The following ANKRD30BL variants were observed in gnomAD, a reference collection of about 807,000 sequenced individuals.
ANKRD30BL encodes putative ankyrin repeat domain-containing protein 30B-like.
In ANKRD30BL, 20 loss-of-function variants were observed where a neutral mutation model predicts 18.4. The ratio of observed to expected loss-of-function variants is 1.09; its 90% CI spans 0.77 to 1.58. The LOEUF (loss-of-function observed/expected upper bound fraction) is 1.58. Ranked by LOEUF, ANKRD30BL falls within the 40% of genes most tolerant of loss-of-function variation. The pLI is 0.00. For synonymous variants in ANKRD30BL, 72 were observed against 100.9 expected, an observed-to-expected ratio of 0.71 and a Z score of 1.72; for missense variants, 224 against 268.6, an observed-to-expected ratio of 0.83 and a Z score of 1.16.
intron 1 of ANKRD30BL, among the ~76,000 whole-genome samples, chr2:132,167,374 T>C (rs1688208192): frequency 6.6e-6 from 1 of 151,614 alleles, no homozygotes; most frequent in Non-Finnish European, 1.5e-5. Flanking sequence ...TCACACAGGC[T>C]GGAGTGCAGT....
chr2:132,251,283 A>G (rs1189957720), intron 1 of ANKRD30BL, among the ~76,000 whole-genome samples: 3 of 152,212 alleles, frequency 2.0e-5, no homozygotes, highest in African/African-American at 7.2e-5. Context: ...TACAATTCAG[A>G]AAGCTTACTC....
At chr2:132,160,208 T>C (rs1688016444) in intron 1 of ANKRD30BL, among the ~76,000 whole-genome samples, 1 of 151,954 alleles carries the variant, frequency 6.6e-6, no homozygotes, top group Non-Finnish European at 1.5e-5. Flanking sequence ...TTCAAGCGAT[T>C]CTCCCTCCTC....
At chr2:132,205,166 C>T (rs957341073) in intron 1 of ANKRD30BL, among the ~76,000 whole-genome samples, 10 of 151,988 alleles carry the variant, frequency 6.6e-5, no homozygotes, top group South Asian at 2.1e-4. Context: ...ATTTTCTAAG[C>T]GTATCATAGA....
intron 1 of ANKRD30BL, among the ~76,000 whole-genome samples, chr2:132,201,017 C>A (rs1026985451): frequency 6.6e-6 from 1 of 152,090 alleles, no homozygotes; most frequent in African/African-American, 2.4e-5. Flanking sequence ...TGATCTTTGA[C>A]AAACCTGAGA....
intron 1 of ANKRD30BL, among the ~76,000 whole-genome samples, chr2:132,229,844 CA>C (rs1679957418): frequency 6.6e-6 from 1 of 151,640 alleles, no homozygotes; most frequent in African/African-American, 2.4e-5. Context: ...GTGATTTGTG[CA>C]TTCAACTCAC....
intron 1 of ANKRD30BL, among the ~76,000 whole-genome samples, chr2:132,218,770 G>A (rs570229298): frequency 4.6e-5 from 7 of 151,970 alleles, no homozygotes; most frequent in South Asian, 2.1e-4. Context: ...TATTTTGAAC[G>A]CTTTCAGGCC....
chr2:132,167,519 C>T (rs984750692), intron 1 of ANKRD30BL, among the ~76,000 whole-genome samples: 9 of 152,000 alleles, frequency 5.9e-5, no homozygotes, highest in Admixed American at 3.3e-4. Flanking sequence ...GACGGTGTTT[C>T]ATCATGTTGG....
At chr2:132,196,536 C>T (rs1678973056) in intron 1 of ANKRD30BL, among the ~76,000 whole-genome samples, 1 of 151,894 alleles carries the variant, frequency 6.6e-6, no homozygotes, top group Non-Finnish European at 1.5e-5. Context: ...ATCTGTAATC[C>T]CAGCACTTTG....
chr2:132,233,096 G>A (rs907728038), intron 1 of ANKRD30BL, among the ~76,000 whole-genome samples: 3 of 151,680 alleles, frequency 2.0e-5, no homozygotes, highest in Non-Finnish European at 4.4e-5. Flanking sequence ...AGCTTCATAA[G>A]TGAAGGAGAA....
chr2:132,209,112 C>G (rs376677837), intron 1 of ANKRD30BL, among the ~76,000 whole-genome samples: 1 of 152,022 alleles, frequency 6.6e-6, no homozygotes, highest in African/African-American at 2.4e-5. Flanking sequence ...TTGAAACACT[C>G]TTTTTGTAGA....
rs1688074772 is a variant in ANKRD30BL, at chr2:132,161,842, T to G, written c.-137A>C. ...AGAAATCTCAGTCGGGCCAAGCTTT[T>G]GGACACTCCAACCTCTCCCGGGAGA... is the stretch of plus-strand genomic sequence containing the variant. On this transcript the variant is annotated 5_prime_UTR_variant, in exon 1 of 6. Transcript: ENST00000409867. 3.2e-6 allele frequency: 2 copies of G among 619,900 alleles called. No homozygotes were observed. Among genetic ancestry groups the G allele is most frequent in the Non-Finnish European group, 5.8e-6 (2 of 343,100 alleles). 38.4% of individuals were successfully genotyped at this position (619,900 alleles called of 1,614,324 possible). A position where few individuals can be genotyped will look rare whatever the true frequency, so the allele number is the denominator to read the frequency against.
chr2:132,217,760 T>A (rs1430195956), intron 1 of ANKRD30BL, among the ~76,000 whole-genome samples: 1 of 152,290 alleles, frequency 6.6e-6, no homozygotes, highest in Non-Finnish European at 1.5e-5. Context: ...AGGTCTTCAT[T>A]GGAAACGGGT....
chr2:132,220,280 GCCTCTC>G (rs1204940944), intron 1 of ANKRD30BL, among the ~76,000 whole-genome samples: 6 of 145,542 alleles, frequency 4.1e-5, no homozygotes, highest in African/African-American at 1.0e-4. Context: ...ACTGTTTTTG[GCCTCTC>G]CCTCTCCCTC....
At chr2:132,162,690 A>C (rs1039875042), upstream of ANKRD30BL, among the ~76,000 whole-genome samples, 1 of 152,256 alleles carries the variant, frequency 6.6e-6, no homozygotes, top group African/African-American at 2.4e-5. Flanking sequence ...TAGAGGCTGC[A>C]GGGCTGGGCC....
At chr2:132,254,276 C>G (rs553685393) in intron 1 of ANKRD30BL, among the ~76,000 whole-genome samples, 1 of 152,158 alleles carries the variant, frequency 6.6e-6, no homozygotes, top group South Asian at 2.1e-4. Context: ...CCCATGCATG[C>G]GCCACAGGGG....
At chr2:132,189,962 C>T (rs1011183559) in intron 1 of ANKRD30BL, among the ~76,000 whole-genome samples, 1 of 151,766 alleles carries the variant, frequency 6.6e-6, no homozygotes, top group Admixed American at 6.6e-5. Flanking sequence ...TATAGCACAG[C>T]AAATCAAAGG....
chr2:132,252,982 C>A (rs1405995439), intron 1 of ANKRD30BL, among the ~76,000 whole-genome samples: 1 of 152,000 alleles, frequency 6.6e-6, no homozygotes, highest in Non-Finnish European at 1.5e-5. Context: ...CCACCCAACG[C>A]GTGACTACAC....
chr2:132,149,303 A>G (rs969566151), intron 5 of ANKRD30BL, among the ~76,000 whole-genome samples: 11 of 152,202 alleles, frequency 7.2e-5, no homozygotes, highest in African/African-American at 2.7e-4. Flanking sequence ...TAGTAGGAAC[A>G]GAGTAACTTG....
intron 1 of ANKRD30BL, among the ~76,000 whole-genome samples, chr2:132,208,688 T>C (rs1679258164): frequency 6.6e-6 from 1 of 151,408 alleles, no homozygotes; most frequent in Non-Finnish European, 1.5e-5. Context: ...GAGATAAGTG[T>C]ATTCACTAAA....
Sources: gnomAD v4.1 joint callset for allele counts (sites outside exome capture counted in the v4.1 genomes callset) on GRCh38, gnomAD v4.1.1 for gene constraint, MANE v1.5 for transcripts, NCBI Gene and HGNC (gene_info 2026-07-23, HGNC 2026-07-21) for gene names.